EPAS1: variants seen among roughly 807,000 people sequenced by gnomAD.
EPAS1 encodes the protein endothelial PAS domain protein 1.
Under a neutral mutation model 87.9 loss-of-function variants are expected in EPAS1, and 23 were observed. The observed-to-expected ratio is 0.26, with a 90% confidence interval of 0.19 to 0.37. EPAS1 has a LOEUF of 0.37. Among genes scored for constraint, EPAS1 ranks in the 10% least tolerant of loss-of-function variants. The probability of loss-of-function intolerance (pLI) is 1.00; values close to 1 mark genes in which losing one functional copy is unlikely to be tolerated. For synonymous variants in EPAS1, 508 were observed against 444.3 expected, an observed-to-expected ratio of 1.14 and a Z score of -1.80; for missense variants, 1,138 against 1,120.7, an observed-to-expected ratio of 1.02 and a Z score of -0.22.
At chr2:46,320,297 C>G (rs1200683855) in intron 1 of EPAS1, among the ~76,000 whole-genome samples, 4 of 152,164 alleles carry the variant, frequency 2.6e-5, no homozygotes, top group Admixed American at 2.6e-4. Flanking sequence ...TGGTAGGGTA[C>G]TTGCCATGTG....
intron 6 of EPAS1, among the ~76,000 whole-genome samples, chr2:46,365,277 T>A (rs1399044242): frequency 6.6e-6 from 1 of 152,142 alleles, no homozygotes; most frequent in African/African-American, 2.4e-5. Flanking sequence ...AAATTTCAAA[T>A]CAACAAAGAG....
chr2:46,375,804 C>G lies in EPAS1; in HGVS notation c.1001C>G (p.Pro334Arg). The change falls in exon 8 of 16, where the codon CCC becomes CGC. Residue 334 changes from proline to arginine, a missense_variant. Transcript: ENST00000263734. The surrounding 1 kb of genome is among the most constrained non-coding windows in gnomAD (Gnocchi z 4.1). ...TVIYNPRNLQ[P>R]QCIMCVNYVL... ...ATCTACAACCCTCGCAACCTGCAGC[C>G]CCAGTGCATCATGTGTGTCAACTAC... The G allele has an allele frequency of 6.2e-7, 1 of 1,614,174 alleles. No individual in the cohort carries two copies.
chr2:46,382,120 G>T (rs530126148), intron 14 of EPAS1, 31 bp downstream of exon 14: 1 of 1,601,102 alleles, frequency 6.2e-7, no homozygotes, highest in South Asian at 1.1e-5. Context: ...TGGGCCTCCT[G>T]GGGGTTCTGG....
chr2:46,365,479 G>C (rs1401935751), intron 6 of EPAS1, among the ~76,000 whole-genome samples: 1 of 152,212 alleles, frequency 6.6e-6, no homozygotes, highest in African/African-American at 2.4e-5. Flanking sequence ...TGGTGAAAGT[G>C]AGGGAAACGT....
rs538738233 is a variant in EPAS1 at position 46,347,699 on chromosome 2, C to A, written c.217+636C>A. Among the ~76,000 whole-genome samples, 124 of 152,310 alleles carry A rather than the reference C, an allele frequency of 8.1e-4. 1 individual carries two copies. In the Middle Eastern group the frequency reaches 0.01, roughly 13 times the overall value. On this transcript the variant is annotated intron_variant, in intron 2 of 15. Coordinates refer to ENST00000263734, the MANE Select transcript of EPAS1 (RefSeq NM_001430.5). This position sits in a 1 kb window ranked among gnomAD's most constrained non-coding sequence, Gnocchi z 4.2. ...CCTCCCTCGGAAAATAACTGGTTCTCCCCTCCCTAGCACCTCTGCAACTCC... is the reference window on the plus strand; with the variant it reads ...CCTCCCTCGGAAAATAACTGGTTCTACCCTCCCTAGCACCTCTGCAACTCC...
At chr2:46,350,798 G>C (rs528970295) in intron 2 of EPAS1, among the ~76,000 whole-genome samples, 1 of 152,354 alleles carries the variant, frequency 6.6e-6, no homozygotes, top group South Asian at 2.1e-4. Context: ...CTGGAGATCA[G>C]CGTGAAGCAA....
chr2:46,356,680 T>A, intron 3 of EPAS1, 44 bp from the exon 4 acceptor site: 1 of 1,474,380 alleles, frequency 6.8e-7, no homozygotes, highest in Non-Finnish European at 9.5e-7. Context: ...AGTCTTTTAC[T>A]TCACTGTTAG....
Position 46,378,063 on chromosome 2 carries a change from C to T in EPAS1, c.1419C>T (p.Thr473=), listed in dbSNP as rs1366661592. Residue 473 remains threonine (T), a synonymous_variant, in exon 10 of 16, where the codon ACC becomes ACT. Coordinates refer to ENST00000263734, the MANE Select transcript of EPAS1 (RefSeq NM_001430.5). ...AAPGSTTPSA[T]SSSSSCSTPN... ...CGGGCAGCACCACCCCCAGTGCCACCAGCAGCAGCAGCAGCTGCTCCACGG... is the reference window on the plus strand; with the variant it reads ...CGGGCAGCACCACCCCCAGTGCCACTAGCAGCAGCAGCAGCTGCTCCACGG... 2 of 1,593,516 alleles carry T rather than the reference C, an allele frequency of 1.3e-6. No homozygotes were observed. Among genetic ancestry groups the T allele is most frequent in the African/African-American group, 1.3e-5 (1 of 74,486 alleles).
intron 2 of EPAS1, among the ~76,000 whole-genome samples, chr2:46,354,204 T>C (rs768194800): frequency 7.2e-5 from 11 of 152,368 alleles, no homozygotes; most frequent in Admixed American, 2.0e-4. Context: ...TTTCACAGCA[T>C]TGATGTGTCC....
intron 1 of EPAS1, among the ~76,000 whole-genome samples, chr2:46,308,853 G>GGAAGCCTTCCCTGA (rs1369199614): frequency 3.3e-5 from 5 of 152,156 alleles, no homozygotes; most frequent in Non-Finnish European, 7.3e-5. Context: ...ATCTTCCCTG[G>GGAAGCCTTCCCTGA]GAAGCCTTCC....
At chr2:46,379,750 G>C (rs558516411) in intron 11 of EPAS1, 68 of 211,314 alleles carry the variant, frequency 3.2e-4, no homozygotes, top group African/African-American at 1.5e-3. Flanking sequence ...GTTACTCTGC[G>C]AGAGTCCACA....
At chr2:46,338,634 C>T (rs1683846982) in intron 1 of EPAS1, among the ~76,000 whole-genome samples, 1 of 152,236 alleles carries the variant, frequency 6.6e-6, no homozygotes, top group South Asian at 2.1e-4. Context: ...GGGTGGCCCT[C>T]TTCTCAGAAC....
intron 1 of EPAS1, among the ~76,000 whole-genome samples, chr2:46,313,691 TCTGCC>T (rs1683257201): frequency 6.6e-6 from 1 of 152,206 alleles, no homozygotes; most frequent in Non-Finnish European, 1.5e-5. Context: ...CCTCAGGTGA[TCTGCC>T]CGCCTTGGCC....
intron 6 of EPAS1, among the ~76,000 whole-genome samples, chr2:46,363,703 G>A (rs552180344): frequency 1.8e-4 from 28 of 152,310 alleles, no homozygotes; most frequent in African/African-American, 6.3e-4. Context: ...ATCAAGCCTC[G>A]TGATTTAGGG....
At chr2:46,337,123 T>C (rs1244393298) in intron 1 of EPAS1, among the ~76,000 whole-genome samples, 1 of 152,224 alleles carries the variant, frequency 6.6e-6, no homozygotes, top group Non-Finnish European at 1.5e-5. Context: ...ATCCGATGTC[T>C]CCAGTTTGTA....
rs769717276 is a variant in EPAS1, at chr2:46,378,735, G to A, written c.1522G>A (p.Asp508Asn). The A allele has an allele frequency of 1.9e-6, 3 of 1,614,174 alleles. No homozygotes were observed. The highest frequency in any genetic ancestry group is 1.7e-5 in the Admixed American group (1 of 60,030). ...AGTGATTGAGAAGCTCTTCGCCATG[G>A]ACACAGAGGCCAAGGACCAATGCAG... ...IEVIEKLFAM[D>N]TEAKDQCSTQ... is the part of the protein sequence containing the mutation. Residue 508 changes from aspartate to asparagine, a missense_variant, in exon 11 of 16, where the codon GAC (aspartate) becomes AAC (asparagine). Transcript: ENST00000263734.
chr2:46,318,520 A>G (rs1303997799), intron 1 of EPAS1, among the ~76,000 whole-genome samples: 1 of 152,206 alleles, frequency 6.6e-6, no homozygotes, highest in East Asian at 1.9e-4. Flanking sequence ...GCATAATAAA[A>G]CAAGGCATGC....
Position 46,367,278 on chromosome 2 carries a change from C to T in EPAS1, c.780-2549C>T, listed in dbSNP as rs569929553. Among the ~76,000 whole-genome samples, 10 of 152,322 alleles carry T rather than the reference C, an allele frequency of 6.6e-5. No homozygotes were observed. In the East Asian group the frequency reaches 1.7e-3, roughly 26 times the overall value. ...TCTAATCTCGAAAGGAAATTTAATT[C>T]CTTCAGAGAGTAGAAAGACATCTTT... On this transcript the variant is annotated intron_variant, in intron 6 of 15. Transcript: ENST00000263734.
intron 1 of EPAS1, among the ~76,000 whole-genome samples, chr2:46,344,337 C>T (rs765382841): frequency 6.6e-6 from 1 of 152,194 alleles, no homozygotes; most frequent in East Asian, 1.9e-4. Context: ...CAGATATTGG[C>T]GTTAATGCCA....
Sources: gnomAD v4.1 joint callset for allele counts (sites outside exome capture counted in the v4.1 genomes callset) on GRCh38, gnomAD v4.1.1 for gene constraint, Gnocchi (gnomAD v3.1) non-coding constraint, MANE v1.5 for transcripts, NCBI Gene and HGNC (gene_info 2026-07-23, HGNC 2026-07-21) for gene names.